The following CLTC variants were observed in gnomAD, a reference collection of about 807,000 sequenced individuals.
The protein encoded by CLTC is clathrin heavy chain, also known as clathrin heavy chain 1.
A neutral mutation model predicts 195.8 loss-of-function variants in CLTC; 16 were observed. The observed-to-expected ratio is 0.08, with a 90% CI of 0.06 to 0.12. The LOEUF (loss-of-function observed/expected upper bound fraction) is 0.12. CLTC is among the 10% of genes least tolerant of loss of function. CLTC has a pLI of 1.00. For missense variants in CLTC, 796 were observed against 2,027.0 expected (o/e 0.39, Z 11.66); for synonymous variants, 667 against 689.4 (o/e 0.97, Z 0.51).
At chr17:59,663,704 A>G in intron 8 of CLTC, 138 bp from the exon 9 acceptor site, 1 of 636,204 alleles carries the variant, frequency 1.6e-6, no homozygotes, top group Non-Finnish European at 2.5e-6. Flanking sequence ...ACCAACCACA[A>G]CCCCTGCATA....
intron 1 of CLTC, among the ~76,000 whole-genome samples, chr17:59,634,995 A>C (rs1407645817): frequency 6.6e-6 from 1 of 152,252 alleles, no homozygotes; most frequent in Non-Finnish European, 1.5e-5. Context: ...TACTTGGGTT[A>C]GGAAGTTAAC....
Position 59,682,531 on chromosome 17 carries a change from GA to G in CLTC, c.3601-94del. 1.3e-6 allele frequency: 2 copies of G among 1,578,590 alleles called. No individual in the cohort carries two copies. Among genetic ancestry groups the G allele is most frequent in the Non-Finnish European group, 1.7e-6 (2 of 1,158,926 alleles). On this transcript the variant is annotated intron_variant, in intron 22 of 31. Coordinates refer to ENST00000269122, the MANE Select transcript of CLTC (RefSeq NM_004859.4). This position sits in a 1 kb window ranked among gnomAD's most constrained non-coding sequence, Gnocchi z 6.8. Reference sequence around the variant, plus strand: ...AAGAATTCCAAGGAAAAATCTATAGGAAAACAAATTCTTTCTCATTGTGAAG... The same window carrying G: ...AAGAATTCCAAGGAAAAATCTATAGGAAACAAATTCTTTCTCATTGTGAAG...
At chr17:59,690,953 T>C in intron 31 of CLTC, 2 of 398,892 alleles carry the variant, frequency 5.0e-6, no homozygotes, top group South Asian at 1.0e-4. Context: ...CATGAATCTT[T>C]CCTATCATCT....
intron 1 of CLTC, among the ~76,000 whole-genome samples, chr17:59,637,309 A>G (rs1338408527): frequency 1.3e-5 from 2 of 151,620 alleles, no homozygotes; most frequent in East Asian, 4.0e-4. Flanking sequence ...CAGTGGCACA[A>G]TCTCGGCTCA....
chr17:59,660,522 A>G lies in CLTC; in HGVS notation c.1101A>G (p.Lys367=), dbSNP rs1210507265. Reference sequence around the variant, plus strand: ...GTGCTGAAGAACTCTTTGCCCGGAAATTTAATGCTCTTTTTGCCCAGGGAA... The same window carrying G: ...GTGCTGAAGAACTCTTTGCCCGGAAGTTTAATGCTCTTTTTGCCCAGGGAA... ...LAGAEELFAR[K]FNALFAQGNY... The change falls in exon 7 of 32, where the codon AAA becomes AAG. Residue 367 remains lysine (K), a synonymous_variant. Transcript: ENST00000269122. 1.2e-6 allele frequency: 2 copies of G among 1,614,186 alleles called. No homozygotes were observed. Among genetic ancestry groups the G allele is most frequent in the South Asian group, 1.1e-5 (1 of 91,088 alleles).
At chr17:59,641,603 CAAAAAA>C (rs34208843) in intron 1 of CLTC, among the ~76,000 whole-genome samples, 9 of 48,848 alleles carry the variant, frequency 1.8e-4, no homozygotes, top group Admixed American at 3.2e-4. Flanking sequence ...GACTCCATCT[CAAAAAA>C]AAAAAAAAAA....
intron 31 of CLTC, among the ~76,000 whole-genome samples, chr17:59,693,313 G>A (rs950822158): frequency 4.6e-5 from 7 of 151,318 alleles, no homozygotes; most frequent in Non-Finnish European, 8.8e-5. Context: ...GTTTCAGTGA[G>A]CCGAGATTAC....
chr17:59,693,961 T>TGAAATAAAGG lies in CLTC; in HGVS notation c.*109_*110insGAAATAAAGG. On this transcript the variant is annotated 3_prime_UTR_variant, in exon 32 of 32. Coordinates refer to ENST00000269122, the MANE Select transcript of CLTC (RefSeq NM_004859.4). ...AGGCAACGTGTTCTTGTAACCTTTA[T>TGAAATAAAGG]TTCATGAAGGACTTCTTTTTGTTTC... The TGAAATAAAGG allele has an allele frequency of 8.4e-7, 1 of 1,184,702 alleles. No homozygotes were observed. The highest frequency in any genetic ancestry group is 1.1e-6 in the Non-Finnish European group (1 of 890,500). 73.4% of individuals were successfully genotyped at this position (1,184,702 alleles called of 1,614,324 possible). A position where few individuals can be genotyped will look rare whatever the true frequency, so the allele number is the denominator to read the frequency against.
intron 1 of CLTC, among the ~76,000 whole-genome samples, chr17:59,631,752 C>T (rs1490150669): frequency 6.6e-6 from 1 of 151,998 alleles, no homozygotes; most frequent in African/African-American, 2.4e-5. Flanking sequence ...AGGTGGATTG[C>T]TTCAACCCAG....
intron 13 of CLTC, 111 bp downstream of exon 13, chr17:59,667,088 G>A: frequency 1.3e-6 from 1 of 772,176 alleles, no homozygotes; most frequent in Non-Finnish European, 2.0e-6. Context: ...TGGTTCTATG[G>A]GACATTTTAA....
At chr17:59,629,333 A>T in intron 1 of CLTC, among the ~76,000 whole-genome samples, 1 of 152,142 alleles carries the variant, frequency 6.6e-6, no homozygotes, top group East Asian at 1.9e-4. Context: ...TGTTCTGAGC[A>T]CCAGAATGCT....
chr17:59,691,632 A>AT (rs1555608208), intron 31 of CLTC, among the ~76,000 whole-genome samples: 1,470 of 145,468 alleles, frequency 0.01, 16 homozygotes, highest in African/African-American at 0.027. Context: ...TTAAAAAAAA[A>AT]ATATATATAT....
At chr17:59,667,439 G>A (rs541011408) in intron 13 of CLTC, among the ~76,000 whole-genome samples, 4 of 152,242 alleles carry the variant, frequency 2.6e-5, no homozygotes, top group South Asian at 2.1e-4. Flanking sequence ...TCTGAAACAC[G>A]TCTGGTCTCA....
intron 8 of CLTC, among the ~76,000 whole-genome samples, chr17:59,662,271 A>G (rs951283455): frequency 1.3e-5 from 2 of 152,190 alleles, no homozygotes; most frequent in Non-Finnish European, 2.9e-5. Flanking sequence ...AATGTTAACT[A>G]GCTTTCTTTA....
chr17:59,633,608 T>G (rs951381464), intron 1 of CLTC, among the ~76,000 whole-genome samples: 4 of 152,322 alleles, frequency 2.6e-5, no homozygotes, highest in African/African-American at 9.6e-5. Flanking sequence ...CTAACTAGAA[T>G]AATGTGGGAT....
chr17:59,657,867 CT>C (rs545005623), intron 6 of CLTC, among the ~76,000 whole-genome samples: 102 of 142,464 alleles, frequency 7.2e-4, no homozygotes, highest in East Asian at 5.7e-3. Flanking sequence ...AAGCCAGGGG[CT>C]TTTTTTTTTA....
intron 31 of CLTC, among the ~76,000 whole-genome samples, chr17:59,691,629 A>T (rs2033301124): frequency 1.4e-5 from 2 of 146,996 alleles, no homozygotes; most frequent in African/African-American, 2.5e-5. Context: ...GCCTTAAAAA[A>T]AAAATATATA....
intron 30 of CLTC, among the ~76,000 whole-genome samples, chr17:59,686,339 T>C (rs2143603924): frequency 6.6e-6 from 1 of 152,276 alleles, no homozygotes; most frequent in East Asian, 1.9e-4. Flanking sequence ...CCTTATAACA[T>C]TCACTATTCG....
Position 59,658,508 on chromosome 17 carries a change from A to G in CLTC, c.970-1883A>G, listed in dbSNP as rs1598221663. On this transcript the variant is annotated intron_variant, in intron 6 of 31. Coordinates refer to ENST00000269122, the MANE Select transcript of CLTC (RefSeq NM_004859.4). ...TTTGAGTAAAGAGATGAGTATTTAC[A>G]GTAACCTTAGGGCTTTCTTCTACTC... Among the ~76,000 whole-genome samples, 3 of 152,358 alleles carry G rather than the reference A, an allele frequency of 2.0e-5. No homozygotes were observed. The South Asian group carries it at 6.2e-4, about 32-fold the overall frequency.
Sources: allele counts gnomAD v4.1 joint callset (sites outside exome capture counted in the v4.1 genomes callset), GRCh38; gene constraint gnomAD v4.1.1; non-coding constraint Gnocchi (gnomAD v3.1); transcripts MANE v1.5; gene names NCBI Gene and HGNC (gene_info 2026-07-23, HGNC 2026-07-21).